Variants in TBC1D12 observed in about 807,000 individuals in gnomAD.
TBC1D12 encodes the protein TBC1 domain family, member 12.
TBC1D12 carries 56 observed loss-of-function variants against 86.7 expected under a neutral mutation model. The ratio of observed to expected loss-of-function variants is 0.65; its 90% CI spans 0.52 to 0.81. TBC1D12 has a LOEUF of 0.81. Among genes scored for constraint, TBC1D12 ranks in the 30% least tolerant of loss-of-function variants. TBC1D12 has a pLI of 0.00. For synonymous variants in TBC1D12, 421 were observed against 411.7 expected, an observed-to-expected ratio of 1.02 and a Z score of -0.27; for missense variants, 1,023 against 1,038.8, an observed-to-expected ratio of 0.98 and a Z score of 0.21.
chr10:94,461,224 G>A (rs1415493221), intron 2 of TBC1D12, among the ~76,000 whole-genome samples: 1 of 152,184 alleles, frequency 6.6e-6, no homozygotes, highest in Non-Finnish European at 1.5e-5. Context: ...AAAAGGGGAA[G>A]CATTCTATAG....
chr10:94,487,422 G>T (rs1272053765), intron 3 of TBC1D12, among the ~76,000 whole-genome samples: 2 of 150,296 alleles, frequency 1.3e-5, no homozygotes, highest in African/African-American at 4.9e-5. Flanking sequence ...TTTAGTGAAA[G>T]TGATTTTTTT....
At chr10:94,440,935 C>T (rs906699982) in intron 1 of TBC1D12, among the ~76,000 whole-genome samples, 1 of 152,292 alleles carries the variant, frequency 6.6e-6, no homozygotes, top group South Asian at 2.1e-4. Flanking sequence ...CTGCAACCTC[C>T]GCCTCTAGGG....
At position 94,418,994 on chromosome 10, in the gene TBC1D12, C is replaced by T. The variant is rs1183724578; in HGVS notation, c.971+15410C>T. 2.0e-5 allele frequency among the ~76,000 whole-genome samples: 3 copies of T among 152,202 alleles called. No homozygotes were observed. The South Asian group carries it at 6.2e-4, about 32-fold the overall frequency. On this transcript the variant is annotated intron_variant, in intron 1 of 12. Transcript: ENST00000225235. ...GGTTCAAGTGATTCTCCTGCCTCAG[C>T]CTCCCGAGTAGCTGGGACTACAGGT...
chr10:94,532,529 C>T (rs1842459033), intron 12 of TBC1D12, among the ~76,000 whole-genome samples: 1 of 152,160 alleles, frequency 6.6e-6, no homozygotes. Context: ...GTACAACCCA[C>T]AGTAGTCATT....
chr10:94,459,688 G>A (rs1182848657), intron 2 of TBC1D12, among the ~76,000 whole-genome samples: 3 of 152,192 alleles, frequency 2.0e-5, no homozygotes, highest in Non-Finnish European at 4.4e-5. Context: ...TGCGGCACGG[G>A]CAGGCTGGCA....
intron 1 of TBC1D12, among the ~76,000 whole-genome samples, chr10:94,414,785 A>T (rs2054976968): frequency 6.6e-6 from 1 of 152,014 alleles, no homozygotes; most frequent in African/African-American, 2.4e-5. Context: ...TTTTTAGTAG[A>T]GATGGGGCTT....
At chr10:94,474,824 T>G in intron 3 of TBC1D12, 41 bp downstream of exon 3, 1 of 1,513,694 alleles carries the variant, frequency 6.6e-7, no homozygotes, top group Non-Finnish European at 9.1e-7. Context: ...GTTTATATTT[T>G]AAAGTTAAAT....
chr10:94,427,833 CAAA>C lies in TBC1D12; in HGVS notation c.972-14041_972-14039del, dbSNP rs71031576. Reference sequence around the variant, plus strand: ...GGTGACAAAGTGAGACCCTGTCTCACAAAAAAAAAAAAAAAAAAAAAAAAGGAA... The same window carrying C: ...GGTGACAAAGTGAGACCCTGTCTCACAAAAAAAAAAAAAAAAAAAAAGGAA... On this transcript the variant is annotated intron_variant, in intron 1 of 12. Transcript: ENST00000225235. 3.4e-4 allele frequency among the ~76,000 whole-genome samples: 23 copies of C among 67,020 alleles called. No homozygotes were observed. The East Asian group carries it at 7.5e-3, about 22-fold the overall frequency. 44.0% of individuals were successfully genotyped at this position (67,020 alleles called of 152,430 possible).
intron 4 of TBC1D12, among the ~76,000 whole-genome samples, chr10:94,495,492 T>A (rs940432578): frequency 8.5e-5 from 13 of 152,216 alleles, no homozygotes; most frequent in Non-Finnish European, 1.8e-4. Flanking sequence ...TTATTAATTT[T>A]AAAATTTTTA....
Position 94,402,768 on chromosome 10 carries a change from C to CTGACGAGGAGGA in TBC1D12, c.156_167dup (p.Glu55_Glu56insAspAspGluGlu), listed in dbSNP as rs2054785336. 6.5e-7 allele frequency: 1 copy of CTGACGAGGAGGA among 1,530,124 alleles called. No homozygotes were observed. The highest frequency in any genetic ancestry group is 8.8e-7 in the Non-Finnish European group (1 of 1,135,890). The allele number at this position is 1,530,124 out of a possible 1,614,324, so 94.8% of individuals were successfully genotyped here. A position where few individuals can be genotyped will look rare whatever the true frequency, so the allele number is the denominator to read the frequency against. ...GGCGCTGTGGAGCCGCCGGAGGAGG[C>CTGACGAGGAGGA]TGACGAGGAGGAGGAGGCTGACGAG... is the stretch of plus-strand genomic sequence containing the variant. On this transcript the variant is annotated inframe_insertion, in exon 1 of 13. Coordinates refer to ENST00000225235, the MANE Select transcript of TBC1D12 (RefSeq NM_015188.2).
At chr10:94,428,985 G>A (rs1356687913) in intron 1 of TBC1D12, among the ~76,000 whole-genome samples, 10 of 152,034 alleles carry the variant, frequency 6.6e-5, no homozygotes, top group Non-Finnish European at 1.0e-4. Flanking sequence ...CATTACAGAC[G>A]TGAGTCATCA....
chr10:94,522,179 A>G (rs1842170189), intron 10 of TBC1D12, 96 bp downstream of exon 10: 1 of 1,422,046 alleles, frequency 7.0e-7, no homozygotes, highest in South Asian at 1.5e-5. Flanking sequence ...CTAATCTAAT[A>G]TAAACTTATC....
chr10:94,504,693 A>G (rs1287567233), intron 6 of TBC1D12, among the ~76,000 whole-genome samples: 1 of 152,198 alleles, frequency 6.6e-6, no homozygotes, highest in Non-Finnish European at 1.5e-5. Flanking sequence ...CTTAACATCT[A>G]GAAATCTTAG....
intron 6 of TBC1D12, among the ~76,000 whole-genome samples, chr10:94,503,077 A>T (rs150236283): frequency 2.6e-5 from 4 of 152,146 alleles, no homozygotes. Flanking sequence ...TCTTCACACT[A>T]TAATCTATCT....
At chr10:94,495,474 T>G (rs2056303339) in intron 4 of TBC1D12, among the ~76,000 whole-genome samples, 1 of 152,164 alleles carries the variant, frequency 6.6e-6, no homozygotes, top group Non-Finnish European at 1.5e-5. Flanking sequence ...CTGGCTCCAG[T>G]TAAGTTTTTA....
intron 1 of TBC1D12, among the ~76,000 whole-genome samples, chr10:94,439,566 G>A (rs2055351024): frequency 6.6e-6 from 1 of 152,130 alleles, no homozygotes. Context: ...GCTGCAGTCT[G>A]GGCATCGAGC....
chr10:94,520,084 A>G (rs1343225242), intron 9 of TBC1D12, among the ~76,000 whole-genome samples: 1 of 152,258 alleles, frequency 6.6e-6, no homozygotes, highest in Non-Finnish European at 1.5e-5. Context: ...AAGAAGACAG[A>G]GAAATAAGAT....
intron 3 of TBC1D12, among the ~76,000 whole-genome samples, chr10:94,476,413 G>A (rs146774617): frequency 7.0e-4 from 106 of 152,106 alleles, no homozygotes; most frequent in African/African-American, 2.2e-3. Context: ...TAAAAAAAGC[G>A]TTTTAGAAAC....
At chr10:94,511,080 T>C (rs993739775) in intron 8 of TBC1D12, among the ~76,000 whole-genome samples, 36 of 150,252 alleles carry the variant, frequency 2.4e-4, no homozygotes, top group Non-Finnish European at 3.7e-4. Flanking sequence ...TGTTGTTATT[T>C]AGTAGTAAAT....
Sources: gnomAD v4.1 joint callset for allele counts (sites outside exome capture counted in the v4.1 genomes callset) on GRCh38, gnomAD v4.1.1 for gene constraint, MANE v1.5 for transcripts, NCBI Gene and HGNC (gene_info 2026-07-23, HGNC 2026-07-21) for gene names.